Variants in COL16A1 observed in about 807,000 individuals in gnomAD.
The protein encoded by COL16A1 is collagen type XVI alpha 1 chain.
COL16A1 carries 189 observed loss-of-function variants against 266.3 expected under a neutral mutation model. That is an observed-to-expected ratio of 0.71 (90% confidence interval 0.63 to 0.80). COL16A1 has a LOEUF of 0.80. COL16A1 is among the 30% of genes least tolerant of loss of function. COL16A1 has a pLI of 0.00. For synonymous variants in COL16A1, 740 were observed against 782.3 expected (o/e 0.95, Z 0.90); for missense variants, 1,928 against 2,122.4 (o/e 0.91, Z 1.80).
chr1:31,667,253 G>A (rs143110318), intron 52 of COL16A1, among the ~76,000 whole-genome samples: 1 of 152,350 alleles, frequency 6.6e-6, no homozygotes, highest in Non-Finnish European at 1.5e-5. Flanking sequence ...TGTGCTCAAC[G>A]TGGGGCCTGG....
rs766041765 is a variant in COL16A1, at chr1:31,692,478, T to C, written c.1190A>G (p.Glu397Gly). 22 of 1,613,046 alleles carry C rather than the reference T, an allele frequency of 1.4e-5. No homozygotes were observed. The highest frequency in any genetic ancestry group is 1.7e-5 in the Non-Finnish European group (20 of 1,179,382). The change falls in exon 16 of 71, where the codon GAG (glutamate) becomes GGG (glycine). Residue 397 changes from glutamate to glycine, a missense_variant. Physicochemically the swap from Glu to Gly is moderately conservative, Grantham distance 98. This residue lies in a region of COL16A1 where 1,552 missense variants were observed against 1,637.2 expected (regional missense o/e 0.95). Coordinates refer to ENST00000373672, the MANE Select transcript of COL16A1 (RefSeq NM_001856.4). ...CTCCAAATCCAGGCTTGTTACCTTC[T>C]CGCCTGTTGAGCCTGGGAGTCCTGA... ...GPSGLPGSTG[E>G]KGQKGEKGDG... is the part of the protein sequence containing the mutation.
In COL16A1 at chr1:31,697,544, A is replaced by G. The variant is rs1377369119; in HGVS notation, c.658-244T>C. ...AGGTTCCATTCATGCTGGGCTTTGAAGGGCTGGTAGCTACTCAGCGGATGA... is the reference window on the plus strand; with the variant it reads ...AGGTTCCATTCATGCTGGGCTTTGAGGGGCTGGTAGCTACTCAGCGGATGA... On this transcript the variant is annotated intron_variant, in intron 6 of 70. Transcript: ENST00000373672. The surrounding 1 kb of genome is among the most constrained non-coding windows in gnomAD (Gnocchi z 4.2). 6.6e-6 allele frequency among the ~76,000 whole-genome samples: 1 copy of G among 152,180 alleles called. No homozygotes were observed. The highest frequency in any genetic ancestry group is 1.5e-5 in the Non-Finnish European group (1 of 68,028).
In COL16A1 at chr1:31,681,176, T is replaced by C. The variant is rs544029863; in HGVS notation, c.2539-109A>G. On this transcript the variant is annotated intron_variant, in intron 37 of 70. Coordinates refer to ENST00000373672, the MANE Select transcript of COL16A1 (RefSeq NM_001856.4). ...AAACAGAAGCAGCGCCAGGTTCCCCTGGAGCCCAGGGCCGAGGGCCCACGT... is the reference window on the plus strand; with the variant it reads ...AAACAGAAGCAGCGCCAGGTTCCCCCGGAGCCCAGGGCCGAGGGCCCACGT... 648 of 1,444,522 alleles carry C rather than the reference T, an allele frequency of 4.5e-4. 3 individuals carry two copies. In the African/African-American group the frequency reaches 8.2e-3, roughly 18 times the overall value. 89.5% of individuals were successfully genotyped at this position (1,444,522 alleles called of 1,614,324 possible).
chr1:31,689,280 T>G (rs1159757909), intron 23 of COL16A1, 195 bp from the exon 24 acceptor site: 1 of 874,888 alleles, frequency 1.1e-6, no homozygotes, highest in African/African-American at 1.7e-5. Context: ...GCGGGGGGAA[T>G]GACGCCAGGT....
intron 23 of COL16A1, 83 bp from the exon 24 acceptor site, chr1:31,689,168 T>C (rs534239984): frequency 3.7e-5 from 59 of 1,604,410 alleles, no homozygotes; most frequent in Non-Finnish European, 4.9e-5. Flanking sequence ...AGGACAGCAA[T>C]GTCACACACG....
intron 52 of COL16A1, among the ~76,000 whole-genome samples, chr1:31,666,865 C>G (rs1642190161): frequency 6.6e-6 from 1 of 152,178 alleles, no homozygotes; most frequent in African/African-American, 2.4e-5. Flanking sequence ...CCTCATCGTT[C>G]CTAGGCACTT....
rs1324012767 is a variant in COL16A1 at position 31,657,530 on chromosome 1, T to C, written c.4021-462A>G. ...TTCATCCAGGGGCCATGGAGGCTCC[T>C]GAGCCTGCAAGGAGGGAGGCAGGGT... On this transcript the variant is annotated intron_variant, in intron 64 of 70. Transcript: ENST00000373672. The surrounding 1 kb of genome is among the most constrained non-coding windows in gnomAD (Gnocchi z 6.4). The C allele has an allele frequency of 1.2e-5, 2 of 166,004 alleles. No individual in the cohort carries two copies. The highest frequency in any genetic ancestry group is 3.3e-4 in the East Asian group (2 of 6,026). The allele number at this position is 166,004 out of a possible 1,614,324, so 10.3% of individuals were successfully genotyped here.
At position 31,698,324 on chromosome 1, in the gene COL16A1, T is replaced by A; in HGVS notation, c.391-152A>T. ...GCTGGGGTCAAGGAGCTATACATCC[T>A]GAAAGAATGAGGTAGGTACTGGTGG... On this transcript the variant is annotated intron_variant, in intron 5 of 70. Transcript: ENST00000373672. This position sits in a 1 kb window ranked among gnomAD's most constrained non-coding sequence, Gnocchi z 4.1. The A allele has an allele frequency of 6.5e-7, 1 of 1,529,600 alleles. No individual in the cohort carries two copies. The highest frequency in any genetic ancestry group is 8.8e-7 in the Non-Finnish European group (1 of 1,137,618). The allele number at this position is 1,529,600 out of a possible 1,614,324, so 94.8% of individuals were successfully genotyped here.
At chr1:31,660,686 T>A in intron 61 of COL16A1, 48 bp from the exon 62 acceptor site, 1 of 1,611,378 alleles carries the variant, frequency 6.2e-7, no homozygotes, top group Non-Finnish European at 8.5e-7. Context: ...CTGACTTGCT[T>A]GCACCATGTG....
In COL16A1 at chr1:31,685,825, C is replaced by A; in HGVS notation, c.1885-55G>T. 2 of 1,600,442 alleles carry A rather than the reference C, an allele frequency of 1.2e-6. No homozygotes were observed. The highest frequency in any genetic ancestry group is 2.2e-5 in the South Asian group (2 of 90,384). On this transcript the variant is annotated intron_variant, in intron 28 of 70. Coordinates refer to ENST00000373672, the MANE Select transcript of COL16A1 (RefSeq NM_001856.4). The surrounding 1 kb of genome is among the most constrained non-coding windows in gnomAD (Gnocchi z 4.0). ...TCCCCCAGGCCCTAGTGCACTTGAG[C>A]GAGGTTTGGAATCTAGGGCTGGGGA... is the stretch of plus-strand genomic sequence containing the variant.
chr1:31,670,649 G>A lies in COL16A1; in HGVS notation c.3151-3C>T. On this transcript the variant is annotated splice_polypyrimidine_tract_variant and splice_region_variant and intron_variant, in intron 48 of 70. Coordinates refer to ENST00000373672, the MANE Select transcript of COL16A1 (RefSeq NM_001856.4). The surrounding 1 kb of genome is among the most constrained non-coding windows in gnomAD (Gnocchi z 4.5). The stretch of plus-strand genomic sequence containing the variant: ...GCACCAGGAAAACCTGGGGGGCCCT[G>A]GTGGGAGAAACAGGCAGGTCACATC... 1.4e-6 allele frequency: 2 copies of A among 1,434,088 alleles called. No individual in the cohort carries two copies. Among genetic ancestry groups the A allele is most frequent in the Non-Finnish European group, 1.8e-6 (2 of 1,098,814 alleles). 88.8% of individuals were successfully genotyped at this position (1,434,088 alleles called of 1,614,324 possible).
At position 31,700,071 on chromosome 1, in the gene COL16A1, G is replaced by A. The variant is rs755172487; in HGVS notation, c.118C>T (p.His40Tyr). The A allele has an allele frequency of 2.2e-5, 35 of 1,614,060 alleles. No individual in the cohort carries two copies. The East Asian group carries it at 7.6e-4, about 35-fold the overall frequency. The change falls in exon 3 of 71, where the codon CAC (histidine) becomes TAC (tyrosine). Residue 40 changes from histidine (H) to tyrosine (Y), a missense_variant. By Grantham distance (83) the His-to-Tyr change is moderately conservative. This residue lies in a region of COL16A1 where 1,552 missense variants were observed against 1,637.2 expected (regional missense o/e 0.95). Coordinates refer to ENST00000373672, the MANE Select transcript of COL16A1 (RefSeq NM_001856.4). Reference sequence around the variant, plus strand: ...ACGTTGGCTGGCAGGCTACTACTGTGTTCCAATTTGAGTCCTTCCTGCTGT... The same window carrying A: ...ACGTTGGCTGGCAGGCTACTACTGTATTCCAATTTGAGTCCTTCCTGCTGT... The part of the protein sequence containing the change: ...PSQQEGLKLE[H>Y]SSSLPANVTG...
intron 33 of COL16A1, 72 bp downstream of exon 33, chr1:31,683,877 GC>G (rs1311753683): frequency 6.2e-7 from 1 of 1,609,144 alleles, no homozygotes; most frequent in East Asian, 2.2e-5. Flanking sequence ...CAGGCCCACT[GC>G]CCCCATGGAT....
chr1:31,667,726 G>T, intron 51 of COL16A1, 98 bp from the exon 52 acceptor site: 1 of 1,197,918 alleles, frequency 8.3e-7, no homozygotes, highest in Non-Finnish European at 1.2e-6. Flanking sequence ...ACCCAGACTG[G>T]CTCTGGGGGA....
At chr1:31,692,700 C>T (rs1236140733) in intron 14 of COL16A1, 58 bp from the exon 15 acceptor site, 109 of 1,612,730 alleles carry the variant, frequency 6.8e-5, no homozygotes, top group East Asian at 8.9e-5. Context: ...GGCTGCCAAG[C>T]GCACAGTCCC....
In COL16A1 at chr1:31,668,351, A is replaced by C; in HGVS notation, c.3250-133T>G. 4.3e-6 allele frequency: 4 copies of C among 923,482 alleles called. No individual in the cohort carries two copies. Among genetic ancestry groups the C allele is most frequent in the Non-Finnish European group, 6.8e-6 (4 of 587,956 alleles). 57.2% of individuals were successfully genotyped at this position (923,482 alleles called of 1,614,324 possible). A position where few individuals can be genotyped will look rare whatever the true frequency, so the allele number is the denominator to read the frequency against. ...GTGCCAGCCTGCCCCAGCATTGCAC[A>C]CTGGGCCATCTCCCCAAGCCCCAGG... On this transcript the variant is annotated intron_variant, in intron 50 of 70. Coordinates refer to ENST00000373672, the MANE Select transcript of COL16A1 (RefSeq NM_001856.4). The surrounding 1 kb of genome is among the most constrained non-coding windows in gnomAD (Gnocchi z 5.8).
Position 31,699,952 on chromosome 1 carries a change from A to T in COL16A1, c.149-22T>A, listed in dbSNP as rs777055985. ...AAGCCTTTGGGGGAGACATCAGGTG[A>T]AGAGCTCAGCTGAGCAGGTGGAGAG... On this transcript the variant is annotated intron_variant, in intron 3 of 70. Coordinates refer to ENST00000373672, the MANE Select transcript of COL16A1 (RefSeq NM_001856.4). 5 of 1,604,808 alleles carry T rather than the reference A, an allele frequency of 3.1e-6. No individual in the cohort carries two copies. The South Asian group carries it at 5.5e-5, about 18-fold the overall frequency.
Position 31,685,729 on chromosome 1 carries a change from C to T in COL16A1, c.1926G>A (p.Gln642=). 6.2e-7 allele frequency: 1 copy of T among 1,614,010 alleles called. No individual in the cohort carries two copies. The highest frequency in any genetic ancestry group is 8.5e-7 in the Non-Finnish European group (1 of 1,180,022). Residue 642 remains glutamine, a synonymous_variant, in exon 29 of 71, where the codon CAG becomes CAA. Coordinates refer to ENST00000373672, the MANE Select transcript of COL16A1 (RefSeq NM_001856.4). This position sits in a 1 kb window ranked among gnomAD's most constrained non-coding sequence, Gnocchi z 4.0. The part of the protein sequence containing the change: ...CEPCPALSNL[Q]DGDVRVVALP... ...AGGCCACCACACGGACATCCCCATC[C>T]TGAAGGTTGGACAGGGCTGGGCACG...
chr1:31,684,934 C>T, intron 29 of COL16A1, 78 bp from the exon 30 acceptor site: 1 of 1,606,396 alleles, frequency 6.2e-7, no homozygotes, highest in African/African-American at 1.3e-5. Flanking sequence ...CAGGCTGGGG[C>T]ATACAACAGT....
Sources: allele counts gnomAD v4.1 joint callset (sites outside exome capture counted in the v4.1 genomes callset), GRCh38; gene constraint gnomAD v4.1.1; regional missense constraint gnomAD v4.1.1; non-coding constraint Gnocchi (gnomAD v3.1); transcripts MANE v1.5; gene names NCBI Gene and HGNC (gene_info 2026-07-23, HGNC 2026-07-21).